The following JARID2 variants were observed in gnomAD, a reference collection of about 807,000 sequenced individuals.
JARID2 encodes the protein jumonji and AT-rich interaction domain containing 2.
JARID2 carries 21 observed loss-of-function variants against 125.6 expected under a neutral mutation model. The ratio of observed to expected loss-of-function variants is 0.17; its 90% CI spans 0.12 to 0.24. The LOEUF (loss-of-function observed/expected upper bound fraction) is 0.24, where lower values mean the gene tolerates loss of function less well. Among genes scored for constraint, JARID2 ranks in the 10% least tolerant of loss-of-function variants. JARID2 has a pLI of 1.00. For synonymous variants in JARID2, 736 were observed against 661.6 expected, an observed-to-expected ratio of 1.11 and a Z score of -1.73; for missense variants, 1,303 against 1,639.6, an observed-to-expected ratio of 0.79 and a Z score of 3.55.
chr6:15,273,762 G>T (rs984673862), intron 1 of JARID2, among the ~76,000 whole-genome samples: 3 of 152,084 alleles, frequency 2.0e-5, no homozygotes, highest in Non-Finnish European at 2.9e-5. Context: ...CTTGAAGCAC[G>T]ATTTTTCGAA....
chr6:15,438,551 CT>C (rs1256437736), intron 3 of JARID2, among the ~76,000 whole-genome samples: 1 of 152,172 alleles, frequency 6.6e-6, no homozygotes, highest in African/African-American at 2.4e-5. Flanking sequence ...GAGTATTTTT[CT>C]GACAATTCCA....
At chr6:15,294,353 C>T (rs145842703) in intron 1 of JARID2, among the ~76,000 whole-genome samples, 201 of 152,250 alleles carry the variant, frequency 1.3e-3, no homozygotes, top group African/African-American at 4.3e-3. Context: ...CCAGCACACC[C>T]GGCTAATTTT....
rs553561960 is a variant in JARID2 at position 15,520,199 on chromosome 6, C to T, written c.3689C>T (p.Pro1230Leu). Residue 1230 changes from proline to leucine, a missense_variant, in exon 18 of 18, where the codon CCC (proline) becomes CTC (leucine). By Grantham distance (98) the Pro-to-Leu change is moderately conservative. This residue lies in a region of JARID2 where 75 missense variants were observed against 66.0 expected (regional missense o/e 1.14). Transcript: ENST00000341776. ...PRKRATVDVPPSRLSASSSSK... is the reference protein window; with the variant it reads ...PRKRATVDVPLSRLSASSSSK... ...AAGAGAGCGACAGTGGACGTGCCCC[C>T]CTCCCGTCTGTCAGCCTCCAGTTCA... 16 of 1,613,532 alleles carry T rather than the reference C, an allele frequency of 9.9e-6. No individual in the cohort carries two copies. The highest frequency in any genetic ancestry group is 1.3e-5 in the Non-Finnish European group (15 of 1,179,750).
chr6:15,474,173 A>G (rs1344924424), intron 5 of JARID2, among the ~76,000 whole-genome samples: 1 of 152,248 alleles, frequency 6.6e-6, no homozygotes, highest in Non-Finnish European at 1.5e-5. Context: ...ATTGAACCTA[A>G]GAGTATTTCT....
chr6:15,372,185 TC>T (rs1764196219), intron 1 of JARID2, among the ~76,000 whole-genome samples: 1 of 152,064 alleles, frequency 6.6e-6, no homozygotes, highest in Non-Finnish European at 1.5e-5. Context: ...TCTCATTGAG[TC>T]CCATGGAAGT....
intron 1 of JARID2, among the ~76,000 whole-genome samples, chr6:15,370,639 C>T (rs1764133458): frequency 6.6e-6 from 1 of 151,862 alleles, no homozygotes; most frequent in Non-Finnish European, 1.5e-5. Context: ...CCGCGCCCGG[C>T]CATATCTGGG....
chr6:15,295,762 C>G (rs910079874), intron 1 of JARID2, among the ~76,000 whole-genome samples: 1 of 152,174 alleles, frequency 6.6e-6, no homozygotes, highest in African/African-American at 2.4e-5. Context: ...CTCCTGAGTT[C>G]AAGTGATTCT....
intron 2 of JARID2, among the ~76,000 whole-genome samples, chr6:15,407,118 G>T (rs1408374286): frequency 6.6e-6 from 1 of 152,046 alleles, no homozygotes; most frequent in Non-Finnish European, 1.5e-5. Context: ...AAAAATTAGT[G>T]GGGCATGGTG....
intron 1 of JARID2, among the ~76,000 whole-genome samples, chr6:15,288,717 T>A (rs923456853): frequency 2.6e-5 from 4 of 152,214 alleles, no homozygotes; most frequent in African/African-American, 9.6e-5. Context: ...CTTGATCCTT[T>A]GCAAAAATGA....
intron 1 of JARID2, among the ~76,000 whole-genome samples, chr6:15,351,294 G>C (rs1760222570): frequency 6.6e-6 from 1 of 152,178 alleles, no homozygotes; most frequent in South Asian, 2.1e-4. Flanking sequence ...GCTGAAAGGT[G>C]AATATGAGTG....
At chr6:15,330,886 CTGTTTT>C in intron 1 of JARID2, among the ~76,000 whole-genome samples, 1 of 152,124 alleles carries the variant, frequency 6.6e-6, no homozygotes, top group Non-Finnish European at 1.5e-5. Context: ...TCAAAGTAGT[CTGTTTT>C]TAAAAGGTGA....
chr6:15,375,811 A>G (rs1282604723), intron 2 of JARID2, among the ~76,000 whole-genome samples: 1 of 152,160 alleles, frequency 6.6e-6, no homozygotes, highest in African/African-American at 2.4e-5. Flanking sequence ...GTTAGATTGT[A>G]TGGTTGTGAT....
Position 15,497,067 on chromosome 6 carries a change from C to T in JARID2, c.1842C>T (p.Ile614=). The T allele has an allele frequency of 6.2e-7, 1 of 1,606,810 alleles. No individual in the cohort carries two copies. Among genetic ancestry groups the T allele is most frequent in the Non-Finnish European group, 8.5e-7 (1 of 1,176,782 alleles). ...GGTTTGTCACGCAGATTCAGCACAT[C>T]CACAAGCTGGGCCGGCGCTGGGGCC... ...EMRFVTQIQH[I]HKLGRRWGPN... is the part of the protein sequence containing the mutation. Residue 614 remains isoleucine, a synonymous_variant, in exon 7 of 18, where the codon ATC becomes ATT. Coordinates refer to ENST00000341776, the MANE Select transcript of JARID2 (RefSeq NM_004973.4).
At chr6:15,453,754 C>G (rs1768027083) in intron 4 of JARID2, among the ~76,000 whole-genome samples, 1 of 152,148 alleles carries the variant, frequency 6.6e-6, no homozygotes, top group Admixed American at 6.5e-5. Context: ...ATCAGGCTGG[C>G]TTTTTATTCC....
intron 1 of JARID2, among the ~76,000 whole-genome samples, chr6:15,332,313 C>G (rs929393770): frequency 4.6e-5 from 7 of 152,156 alleles, no homozygotes; most frequent in African/African-American, 1.4e-4. Flanking sequence ...AACTGGGGCT[C>G]AAACATGCCA....
At chr6:15,367,839 G>T (rs1338694029) in intron 1 of JARID2, among the ~76,000 whole-genome samples, 3 of 152,182 alleles carry the variant, frequency 2.0e-5, no homozygotes, top group Non-Finnish European at 4.4e-5. Flanking sequence ...AATCATGATG[G>T]AGTTTTCAAG....
At chr6:15,327,528 AGTGTGTGTGTGTGT>A (rs10577382) in intron 1 of JARID2, among the ~76,000 whole-genome samples, 1 of 149,270 alleles carries the variant, frequency 6.7e-6, no homozygotes, top group South Asian at 2.1e-4. Context: ...ATTCTGGAAG[AGTGTGTGTGTGTGT>A]GTGTGTGTGC....
At chr6:15,302,931 T>G (rs1475766112) in intron 1 of JARID2, among the ~76,000 whole-genome samples, 1 of 152,060 alleles carries the variant, frequency 6.6e-6, no homozygotes, top group African/African-American at 2.4e-5. Flanking sequence ...AGACTGGGTT[T>G]CAGGTTGGTT....
At chr6:15,407,891 A>G (rs1351649465) in intron 2 of JARID2, among the ~76,000 whole-genome samples, 1 of 152,168 alleles carries the variant, frequency 6.6e-6, no homozygotes, top group Non-Finnish European at 1.5e-5. Flanking sequence ...AAATTAATGG[A>G]TAAATTCAGA....
Sources: gnomAD v4.1 joint callset for allele counts (sites outside exome capture counted in the v4.1 genomes callset) on GRCh38, gnomAD v4.1.1 for gene constraint, gnomAD v4.1.1 regional missense constraint, MANE v1.5 for transcripts, NCBI Gene and HGNC (gene_info 2026-07-23, HGNC 2026-07-21) for gene names.